SBK1: variants seen among roughly 807,000 people sequenced by gnomAD.
SBK1 encodes SH3 domain binding kinase 1, also known as serine/threonine-protein kinase SBK1.
Under a neutral mutation model 24.4 loss-of-function variants are expected in SBK1, and 11 were observed. The ratio of observed to expected loss-of-function variants is 0.45; its 90% confidence interval spans 0.28 to 0.75. The LOEUF is 0.75. Among genes scored for constraint, SBK1 ranks in the 30% least tolerant of loss-of-function variants. SBK1 has a pLI of 0.12. For missense variants in SBK1, 467 were observed against 620.5 expected (o/e 0.75, Z 2.63); for synonymous variants, 308 against 284.4 (o/e 1.08, Z -0.83).
At chr16:28,309,467 G>A (rs1182978620) in intron 1 of SBK1, among the ~76,000 whole-genome samples, 1 of 152,182 alleles carries the variant, frequency 6.6e-6, no homozygotes, top group African/African-American at 2.4e-5. Flanking sequence ...CTCTTTTGTT[G>A]TCTGTTAAAT....
chr16:28,261,608 C>T (rs532497803), intron 1 of SBK1, among the ~76,000 whole-genome samples: 10 of 152,154 alleles, frequency 6.6e-5, no homozygotes, highest in East Asian at 1.9e-4. Context: ...CCAGCCTAGG[C>T]GACAGAGTGA....
Position 28,312,628 on chromosome 16 carries a change from C to T in SBK1, c.-7-4757C>T, listed in dbSNP as rs867100757. On this transcript the variant is annotated intron_variant, in intron 1 of 3. Coordinates refer to ENST00000341901, the MANE Select transcript of SBK1 (RefSeq NM_001024401.3). ...CTGGTGGAGGGGACTGTGGAATGAG[C>T]GAGGCCAGGGCACATGTTTAGGTGG... Among the ~76,000 whole-genome samples the T allele has an allele frequency of 7.9e-5, 12 of 152,080 alleles. No individual in the cohort carries two copies. The South Asian group carries it at 2.3e-3, about 29-fold the overall frequency.
At chr16:28,288,115 C>G (rs1404472383), upstream of SBK1, among the ~76,000 whole-genome samples, 2 of 152,018 alleles carry the variant, frequency 1.3e-5, no homozygotes, top group African/African-American at 4.8e-5. Flanking sequence ...AAAAGAGAGA[C>G]AGAAGGAAGG....
chr16:28,310,222 C>A (rs752281866), intron 1 of SBK1, among the ~76,000 whole-genome samples: 3 of 152,188 alleles, frequency 2.0e-5, no homozygotes, highest in African/African-American at 7.2e-5. Context: ...CTTCCTCCAC[C>A]CTCTTGAGTG....
chr16:28,299,782 T>C (rs1041403781), intron 1 of SBK1, among the ~76,000 whole-genome samples: 1 of 152,136 alleles, frequency 6.6e-6, no homozygotes, highest in African/African-American at 2.4e-5. Flanking sequence ...GGTTTGGGGT[T>C]TGGAGTGCAT....
chr16:28,287,716 C>T (rs759629552), upstream of SBK1, among the ~76,000 whole-genome samples: 11 of 152,094 alleles, frequency 7.2e-5, no homozygotes, highest in Non-Finnish European at 1.3e-4. Flanking sequence ...CAGACTGGAG[C>T]GCAATGGCAC....
intron 1 of SBK1, among the ~76,000 whole-genome samples, chr16:28,275,096 C>A (rs1440418720): frequency 1.3e-5 from 2 of 152,180 alleles, no homozygotes; most frequent in Non-Finnish European, 2.9e-5. Context: ...GAGGCCGAGG[C>A]AGGAGGATCT....
rs539727333 is a variant in SBK1, at chr16:28,270,639, G to C, written c.257+11137G>C. On this transcript the variant is annotated intron_variant, in intron 1 of 3. Transcript: ENST00000671413. Reference sequence around the variant, plus strand: ...GGGTTTTACCATGTTGCCCAGGCTGGTCTTGAACTCCTGGCTCAAGTGATC... The same window carrying C: ...GGGTTTTACCATGTTGCCCAGGCTGCTCTTGAACTCCTGGCTCAAGTGATC... Among the ~76,000 whole-genome samples, 10 of 151,532 alleles carry C rather than the reference G, an allele frequency of 6.6e-5. 1 individual carries two copies. In the South Asian group the frequency reaches 2.1e-3, roughly 32 times the overall value.
chr16:28,299,698 G>A (rs990712951), intron 1 of SBK1, among the ~76,000 whole-genome samples: 3 of 152,182 alleles, frequency 2.0e-5, no homozygotes, highest in African/African-American at 7.2e-5. Context: ...GAGTTTCTGA[G>A]TCTGATCGGG....
intron 1 of SBK1, among the ~76,000 whole-genome samples, chr16:28,271,686 T>C (rs999206067): frequency 5.3e-5 from 8 of 152,144 alleles, no homozygotes; most frequent in African/African-American, 1.9e-4. Flanking sequence ...ATGAAATTGA[T>C]AGAATACCTA....
chr16:28,314,290 G>A (rs1472295323), intron 1 of SBK1, among the ~76,000 whole-genome samples: 1 of 150,638 alleles, frequency 6.6e-6, no homozygotes, highest in Non-Finnish European at 1.5e-5. Flanking sequence ...CTGAGTAGCT[G>A]GGACCACAGG....
intron 1 of SBK1, among the ~76,000 whole-genome samples, chr16:28,284,720 A>G (rs1411116236): frequency 6.6e-6 from 1 of 152,206 alleles, no homozygotes; most frequent in African/African-American, 2.4e-5. Context: ...CGAGTGGATC[A>G]CTTGAGGTCA....
In SBK1 at chr16:28,292,735, G is replaced by A. The variant is rs1368484155; in HGVS notation, c.-573G>A. 1.0e-6 allele frequency: 1 copy of A among 984,782 alleles called. No homozygotes were observed. The highest frequency in any genetic ancestry group is 1.2e-6 in the Non-Finnish European group (1 of 829,516). The allele number at this position is 984,782 out of a possible 1,614,324, so 61.0% of individuals were successfully genotyped here. ...GCCGGGACCCACTAAAGCCCCCGCA[G>A]CCGAGGAGTGCGGGGAGCCCCCTTC... On this transcript the variant is annotated 5_prime_UTR_variant, in exon 1 of 4. Transcript: ENST00000341901.
chr16:28,281,052 G>A (rs1443204811), intron 1 of SBK1, among the ~76,000 whole-genome samples: 2 of 152,066 alleles, frequency 1.3e-5, no homozygotes, highest in Non-Finnish European at 2.9e-5. Flanking sequence ...GGCGACCTTG[G>A]TGACCTCAGA....
chr16:28,261,428 T>TACACACACACAC (rs35296302), intron 1 of SBK1, among the ~76,000 whole-genome samples: 50 of 124,672 alleles, frequency 4.0e-4, no homozygotes, highest in African/African-American at 1.1e-3. Flanking sequence ...GACTCCCGTC[T>TACACACACACAC]ACACACACAC....
intron 1 of SBK1, among the ~76,000 whole-genome samples, chr16:28,312,593 G>C (rs1353575051): frequency 6.6e-6 from 1 of 152,220 alleles, no homozygotes; most frequent in East Asian, 1.9e-4. Context: ...GCCTGGCACT[G>C]TTCCTACCTC....
intron 1 of SBK1, among the ~76,000 whole-genome samples, chr16:28,283,293 A>G (rs1300161201): frequency 6.6e-6 from 1 of 152,158 alleles, no homozygotes; most frequent in South Asian, 2.1e-4. Context: ...ACCAAAGTCC[A>G]ACTGACTTAA....
At chr16:28,263,137 T>A (rs1001832856) in intron 1 of SBK1, among the ~76,000 whole-genome samples, 3 of 152,196 alleles carry the variant, frequency 2.0e-5, no homozygotes, top group African/African-American at 7.2e-5. Flanking sequence ...CCCGTCTACA[T>A]GAAAGCATCC....
intron 1 of SBK1, among the ~76,000 whole-genome samples, chr16:28,315,824 G>A (rs1347287962): frequency 2.0e-5 from 3 of 152,096 alleles, no homozygotes; most frequent in Non-Finnish European, 4.4e-5. Context: ...GGAATGCAGT[G>A]GCACGATCTC....
Sources: allele counts gnomAD v4.1 joint callset (sites outside exome capture counted in the v4.1 genomes callset), GRCh38; gene constraint gnomAD v4.1.1; transcripts MANE v1.5; gene names NCBI Gene and HGNC (gene_info 2026-07-23, HGNC 2026-07-21).